Variants in MBD5 observed in about 807,000 individuals in gnomAD.
MBD5 encodes the protein methyl-CpG binding domain protein 5, also known as methyl-CpG-binding domain protein 5.
Under a neutral mutation model 117.3 loss-of-function variants are expected in MBD5, and 13 were observed. That is an observed-to-expected ratio of 0.11 (90% CI 0.07 to 0.18). The LOEUF is 0.18. Ranked by LOEUF, MBD5 falls within the 10% of genes least tolerant of loss-of-function variation. The pLI is 1.00. For synonymous variants in MBD5, 727 were observed against 766.4 expected, an observed-to-expected ratio of 0.95 and a Z score of 0.85; for missense variants, 1,879 against 2,093.8, an observed-to-expected ratio of 0.90 and a Z score of 2.00.
chr2:148,474,010 C>G (rs1042045928), intron 8 of MBD5, among the ~76,000 whole-genome samples: 1 of 152,200 alleles, frequency 6.6e-6, no homozygotes, highest in African/African-American at 2.4e-5. Flanking sequence ...TCTGTTGGAT[C>G]TGGCAGCCAA....
At chr2:148,412,392 G>A (rs944433177) in intron 4 of MBD5, among the ~76,000 whole-genome samples, 4 of 151,762 alleles carry the variant, frequency 2.6e-5, no homozygotes, top group African/African-American at 9.7e-5. Context: ...TGGATAATGT[G>A]ATGTTTCCAC....
At chr2:148,252,322 T>C (rs2106250214) in intron 3 of MBD5, among the ~76,000 whole-genome samples, 1 of 152,102 alleles carries the variant, frequency 6.6e-6, no homozygotes, top group Admixed American at 6.5e-5. Context: ...TAGCCAGGCA[T>C]GGTGGTGTGC....
intron 3 of MBD5, among the ~76,000 whole-genome samples, chr2:148,312,560 T>C (rs1413539693): frequency 2.0e-5 from 3 of 152,196 alleles, no homozygotes. Flanking sequence ...GTAACCTTTT[T>C]TCAAGGTCCT....
chr2:148,457,368 T>G (rs1272318370), intron 4 of MBD5, among the ~76,000 whole-genome samples: 1 of 152,118 alleles, frequency 6.6e-6, no homozygotes, highest in African/African-American at 2.4e-5. Flanking sequence ...AAATTGGTCA[T>G]AAAAAGGCTT....
At chr2:148,388,742 C>T (rs1704457029) in intron 4 of MBD5, among the ~76,000 whole-genome samples, 1 of 152,126 alleles carries the variant, frequency 6.6e-6, no homozygotes, top group Non-Finnish European at 1.5e-5. Context: ...TCTGTGCATG[C>T]ACATCTCTGT....
intron 11 of MBD5, among the ~76,000 whole-genome samples, chr2:148,492,925 G>A (rs892780365): frequency 3.3e-5 from 5 of 152,010 alleles, no homozygotes; most frequent in African/African-American, 1.2e-4. Context: ...ACTCATTCAG[G>A]TGAACCAATT....
intron 1 of MBD5, among the ~76,000 whole-genome samples, chr2:148,083,133 A>G (rs191976532): frequency 3.7e-4 from 56 of 152,352 alleles, no homozygotes; most frequent in African/African-American, 1.3e-3. Flanking sequence ...CAAAAGCTGA[A>G]TGTCTAAAAC....
intron 2 of MBD5, among the ~76,000 whole-genome samples, chr2:148,180,764 A>G (rs144329983): frequency 5.5e-4 from 84 of 151,940 alleles, no homozygotes; most frequent in Non-Finnish European, 9.0e-4. Flanking sequence ...TCCATGGGGC[A>G]CTGTCATTAC....
intron 2 of MBD5, among the ~76,000 whole-genome samples, chr2:148,209,999 C>T (rs960357843): frequency 6.6e-6 from 1 of 152,128 alleles, no homozygotes; most frequent in Non-Finnish European, 1.5e-5. Context: ...ACACATCAAA[C>T]ACATATAAAA....
At position 148,179,181 on chromosome 2, in the gene MBD5, G is replaced by A. The variant is rs548692298; in HGVS notation, c.-831+388G>A. 3.9e-5 allele frequency among the ~76,000 whole-genome samples: 6 copies of A among 152,032 alleles called. No homozygotes were observed. In the South Asian group the frequency reaches 6.2e-4, roughly 16 times the overall value. On this transcript the variant is annotated intron_variant, in intron 2 of 13. Transcript: ENST00000642680. ...CATCCTGGAGAACACGGTGAAACCC[G>A]GTCTCTACTGAAAATACAAAAAAAT... is the stretch of plus-strand genomic sequence containing the variant.
chr2:148,482,353 A>C (rs920870547), intron 8 of MBD5, among the ~76,000 whole-genome samples: 5 of 152,164 alleles, frequency 3.3e-5, no homozygotes, highest in Admixed American at 6.5e-5. Context: ...TATATCATAC[A>C]TGATACTAAT....
At chr2:148,205,756 T>C (rs1699262013) in intron 2 of MBD5, among the ~76,000 whole-genome samples, 1 of 152,140 alleles carries the variant, frequency 6.6e-6, no homozygotes, top group South Asian at 2.1e-4. Context: ...CAGGCTGCAA[T>C]GGCTCATGCC....
At chr2:148,481,639 A>C (rs1357276935) in intron 8 of MBD5, 1 of 152,142 alleles carries the variant, frequency 6.6e-6, no homozygotes, top group Admixed American at 6.5e-5. Flanking sequence ...ATTTACAAAA[A>C]AGTGATTATA....
At chr2:148,270,907 C>A (rs1300254029) in intron 3 of MBD5, among the ~76,000 whole-genome samples, 2 of 152,098 alleles carry the variant, frequency 1.3e-5, no homozygotes, top group African/African-American at 4.8e-5. Flanking sequence ...ATTCCCTTTT[C>A]CACAAACAGA....
At chr2:148,220,076 G>A (rs1484943177) in intron 2 of MBD5, 2 of 152,158 alleles carry the variant, frequency 1.3e-5, no homozygotes. Context: ...AACCAACCTA[G>A]ATCTCTAGAA....
intron 1 of MBD5, among the ~76,000 whole-genome samples, chr2:148,177,091 T>G (rs570900377): frequency 6.6e-6 from 1 of 152,308 alleles, no homozygotes; most frequent in South Asian, 2.1e-4. Flanking sequence ...TATATTGATT[T>G]ATTGCTGAAG....
At chr2:148,153,361 C>A (rs1697750168) in intron 1 of MBD5, among the ~76,000 whole-genome samples, 1 of 151,664 alleles carries the variant, frequency 6.6e-6, no homozygotes, top group Non-Finnish European at 1.5e-5. Flanking sequence ...TTCTCTCTGG[C>A]TGCCCTTAAC....
intron 4 of MBD5, among the ~76,000 whole-genome samples, chr2:148,407,060 C>T (rs1289799589): frequency 6.6e-6 from 1 of 152,110 alleles, no homozygotes; most frequent in Non-Finnish European, 1.5e-5. Flanking sequence ...ATCCCCAGTG[C>T]CTAGCATTAT....
chr2:148,021,492 G>T lies in MBD5; in HGVS notation c.-1117G>T. 1 of 576,328 alleles carries T rather than the reference G, an allele frequency of 1.7e-6. No individual in the cohort carries two copies. The allele number at this position is 576,328 out of a possible 1,614,324, so 35.7% of individuals were successfully genotyped here. ...TGCTGCTGCTGCTGTTGCTGCTGCT[G>T]CTGCTACTGCTGCTGCTGCTACTGC... is the stretch of plus-strand genomic sequence containing the variant. On this transcript the variant is annotated 5_prime_UTR_variant, in exon 1 of 14. Transcript: ENST00000642680.
Sources: allele counts gnomAD v4.1 joint callset (sites outside exome capture counted in the v4.1 genomes callset), GRCh38; gene constraint gnomAD v4.1.1; transcripts MANE v1.5; gene names NCBI Gene and HGNC (gene_info 2026-07-23, HGNC 2026-07-21).